RBM6: variants seen among roughly 807,000 people sequenced by gnomAD.
The protein encoded by RBM6 is RNA-binding protein 6.
RBM6 carries 23 observed loss-of-function variants against 140.4 expected under a neutral mutation model. The ratio of observed to expected loss-of-function variants is 0.16; its 90% CI spans 0.12 to 0.23. RBM6 has a LOEUF of 0.23. Among genes scored for constraint, RBM6 ranks in the 10% least tolerant of loss-of-function variants. RBM6 has a pLI of 1.00. For missense variants in RBM6, 1,139 were observed against 1,386.7 expected (o/e 0.82, Z 2.84); for synonymous variants, 439 against 475.6 (o/e 0.92, Z 1.00).
chr3:49,955,860 C>G lies in RBM6; in HGVS notation c.-66-6716C>G, dbSNP rs62262111. ...TCTCTCTGTGTCTCTCTCTCTCTCT[C>G]TGTGTGTGTGTGTGTGTGTGTGTGT... On this transcript the variant is annotated intron_variant, in intron 1 of 20. Coordinates refer to ENST00000266022, the MANE Select transcript of RBM6 (RefSeq NM_005777.3). Among the ~76,000 whole-genome samples, 282 of 145,538 alleles carry G rather than the reference C, an allele frequency of 1.9e-3. 1 individual carries two copies. Among genetic ancestry groups the G allele is most frequent in the East Asian group, 3.8e-3 (19 of 5,006 alleles).
At chr3:49,949,903 A>G (rs2083659860) in intron 1 of RBM6, among the ~76,000 whole-genome samples, 1 of 152,006 alleles carries the variant, frequency 6.6e-6, no homozygotes, top group Non-Finnish European at 1.5e-5. Context: ...ATGTATTTTT[A>G]GTAGAAATGG....
intron 6 of RBM6, among the ~76,000 whole-genome samples, chr3:50,024,243 C>A (rs569726349): frequency 6.6e-6 from 1 of 152,076 alleles, no homozygotes; most frequent in Non-Finnish European, 1.5e-5. Flanking sequence ...AAAGAACAGT[C>A]CTTCTAAATA....
intron 7 of RBM6, among the ~76,000 whole-genome samples, chr3:50,051,971 A>G (rs1350298879): frequency 6.6e-6 from 1 of 152,220 alleles, no homozygotes; most frequent in Admixed American, 6.5e-5. Flanking sequence ...TTTTGGGGTG[A>G]TGAAAATGTT....
At chr3:49,994,865 T>C (rs1221444558) in intron 5 of RBM6, among the ~76,000 whole-genome samples, 1 of 152,214 alleles carries the variant, frequency 6.6e-6, no homozygotes, top group Non-Finnish European at 1.5e-5. Context: ...ACTCTCTTGA[T>C]GGGAAATTCA....
intron 6 of RBM6, among the ~76,000 whole-genome samples, chr3:50,041,683 A>T (rs1054602558): frequency 6.6e-6 from 1 of 152,006 alleles, no homozygotes; most frequent in African/African-American, 2.4e-5. Context: ...TACTAGTAGC[A>T]CTCTTTATCT....
intron 8 of RBM6, among the ~76,000 whole-genome samples, chr3:50,055,465 G>A (rs966466680): frequency 1.2e-4 from 19 of 152,190 alleles, no homozygotes; most frequent in African/African-American, 4.3e-4. Context: ...TAACCTGTTA[G>A]TAAATGATTT....
intron 6 of RBM6, among the ~76,000 whole-genome samples, chr3:50,037,116 T>C (rs1270666410): frequency 1.3e-5 from 2 of 152,102 alleles, no homozygotes; most frequent in African/African-American, 4.8e-5. Context: ...AAGAAGAGAA[T>C]TGGCTGGGCA....
chr3:49,998,835 A>G (rs901736378), intron 5 of RBM6, among the ~76,000 whole-genome samples: 3 of 152,116 alleles, frequency 2.0e-5, no homozygotes, highest in African/African-American at 7.2e-5. Context: ...TAGCTGGTTT[A>G]TGACTTGAGT....
At chr3:50,044,005 C>T (rs549122809) in intron 6 of RBM6, among the ~76,000 whole-genome samples, 123 of 152,052 alleles carry the variant, frequency 8.1e-4, no homozygotes, top group African/African-American at 2.7e-3. Context: ...CTCAGTCTTC[C>T]GACTGGCTGG....
chr3:50,045,174 G>GTGGATGTCTGA (rs1381756375), intron 6 of RBM6, among the ~76,000 whole-genome samples: 1 of 152,150 alleles, frequency 6.6e-6, no homozygotes, highest in Non-Finnish European at 1.5e-5. Flanking sequence ...CACAGCTACT[G>GTGGATGTCTGA]GAACATTTTT....
chr3:50,021,028 G>A (rs2087448888), intron 6 of RBM6, among the ~76,000 whole-genome samples: 1 of 152,062 alleles, frequency 6.6e-6, no homozygotes, highest in Non-Finnish European at 1.5e-5. Flanking sequence ...CTATATTACT[G>A]TTACTGACTT....
intron 1 of RBM6, among the ~76,000 whole-genome samples, chr3:49,953,191 G>T (rs565378034): frequency 5.5e-4 from 84 of 151,378 alleles, no homozygotes; most frequent in Non-Finnish European, 1.2e-4. Flanking sequence ...AGGTAACTGG[G>T]ACCTTAGGGG....
At chr3:49,946,028 G>A (rs546277745) in intron 1 of RBM6, among the ~76,000 whole-genome samples, 4 of 152,110 alleles carry the variant, frequency 2.6e-5, no homozygotes, top group Middle Eastern at 3.4e-3. Flanking sequence ...GAAGGGGGCT[G>A]CCTGCAAGCC....
At chr3:49,957,879 T>C (rs928045786) in intron 1 of RBM6, among the ~76,000 whole-genome samples, 4 of 151,394 alleles carry the variant, frequency 2.6e-5, no homozygotes, top group African/African-American at 4.9e-5. Context: ...TCGCCCAGGC[T>C]GGAGTGCAAT....
At chr3:50,017,172 C>A (rs1247747161) in intron 6 of RBM6, among the ~76,000 whole-genome samples, 1 of 152,074 alleles carries the variant, frequency 6.6e-6, no homozygotes, top group African/African-American at 2.4e-5. Context: ...TGATGTTGAA[C>A]ATTTTGTCAT....
At chr3:49,960,910 CTTTT>C (rs1439558901) in intron 1 of RBM6, among the ~76,000 whole-genome samples, 3 of 132,264 alleles carry the variant, frequency 2.3e-5, no homozygotes, top group South Asian at 4.8e-4. Context: ...CCCAGAGTAC[CTTTT>C]TTTTTTTTTT....
At chr3:50,002,704 A>G (rs775724547) in intron 6 of RBM6, among the ~76,000 whole-genome samples, 89 of 152,192 alleles carry the variant, frequency 5.8e-4, no homozygotes, top group Non-Finnish European at 1.1e-3. Flanking sequence ...GCCTTCAATT[A>G]TAATTATAAG....
intron 1 of RBM6, among the ~76,000 whole-genome samples, chr3:49,958,370 A>G (rs2084107357): frequency 6.6e-6 from 1 of 152,094 alleles, no homozygotes; most frequent in Non-Finnish European, 1.5e-5. Flanking sequence ...CCTGGCTAAC[A>G]TGGTGAAACC....
intron 6 of RBM6, among the ~76,000 whole-genome samples, chr3:50,011,369 A>G (rs915449902): frequency 1.3e-5 from 2 of 152,188 alleles, no homozygotes; most frequent in African/African-American, 4.8e-5. Context: ...AGTAAGGTTG[A>G]ACGGACTTTC....
Sources: allele counts gnomAD v4.1 joint callset (sites outside exome capture counted in the v4.1 genomes callset), GRCh38; gene constraint gnomAD v4.1.1; transcripts MANE v1.5; gene names NCBI Gene and HGNC (gene_info 2026-07-23, HGNC 2026-07-21).